Variants in CAND2 observed in about 807,000 individuals in gnomAD.
The protein encoded by CAND2 is cullin associated and neddylation dissociated 2 (putative).
CAND2 carries 62 observed loss-of-function variants against 98.9 expected under a neutral mutation model. The ratio of observed to expected loss-of-function variants is 0.63; its 90% CI spans 0.51 to 0.77. CAND2 has a LOEUF of 0.77. CAND2 is among the 30% of genes least tolerant of loss of function. CAND2 has a pLI of 0.00. For synonymous variants in CAND2, 770 were observed against 731.9 expected (o/e 1.05, Z -0.84); for missense variants, 1,501 against 1,655.2 (o/e 0.91, Z 1.62).
In CAND2 at chr3:12,808,170, A is replaced by T. The variant is rs749664573; in HGVS notation, c.368-40A>T. 1.9e-6 allele frequency: 3 copies of T among 1,548,024 alleles called. No homozygotes were observed. The South Asian group carries it at 3.6e-5, about 18-fold the overall frequency. On this transcript the variant is annotated intron_variant, in intron 3 of 14. Coordinates refer to ENST00000456430, the MANE Select transcript of CAND2 (RefSeq NM_001162499.2). ...TAGTGGTGGAGGCTGCCTTTCCCCC[A>T]GGCCAGGGCCTCACTGTGCCCACCT...
Position 12,834,111 on chromosome 3 carries a change from C to T in CAND2, c.*129C>T. 1 of 727,196 alleles carries T rather than the reference C, an allele frequency of 1.4e-6. No homozygotes were observed. The highest frequency in any genetic ancestry group is 2.3e-6 in the Non-Finnish European group (1 of 439,276). 45.0% of individuals were successfully genotyped at this position (727,196 alleles called of 1,614,324 possible). A position where few individuals can be genotyped will look rare whatever the true frequency, so the allele number is the denominator to read the frequency against. Reference sequence around the variant, plus strand: ...CATCTCACTGGGGGCCCTGTCGCTCCTGGTCAGGGCTTACAGTGCCTTCTC... The same window carrying T: ...CATCTCACTGGGGGCCCTGTCGCTCTTGGTCAGGGCTTACAGTGCCTTCTC... On this transcript the variant is annotated 3_prime_UTR_variant, in exon 15 of 15. Coordinates refer to ENST00000456430, the MANE Select transcript of CAND2 (RefSeq NM_001162499.2).
At chr3:12,809,861 TTC>T in intron 4 of CAND2, 196 bp from the exon 5 acceptor site, 1 of 613,250 alleles carries the variant, frequency 1.6e-6, no homozygotes, top group Non-Finnish European at 2.6e-6. Context: ...AGAAGTCCCT[TTC>T]TCTCTCCGCT....
intron 11 of CAND2, 38 bp from the exon 12 acceptor site, chr3:12,825,432 G>C: frequency 6.5e-7 from 1 of 1,531,872 alleles, no homozygotes. Flanking sequence ...TTGTGCTTTG[G>C]CTGTGCATCC....
At chr3:12,797,859 C>A (rs60325501) in intron 1 of CAND2, among the ~76,000 whole-genome samples, 2 of 152,060 alleles carry the variant, frequency 1.3e-5, no homozygotes, top group African/African-American at 4.8e-5. Context: ...GATTCCAGCC[C>A]CCTGACAGGT....
In CAND2 at chr3:12,813,240, C is replaced by T. The variant is rs1252505922; in HGVS notation, c.864-6C>T. On this transcript the variant is annotated splice_polypyrimidine_tract_variant and splice_region_variant and intron_variant, in intron 6 of 14. Coordinates refer to ENST00000456430, the MANE Select transcript of CAND2 (RefSeq NM_001162499.2). ...CCAGCAAAGCATTCCTCATCCTGCC[C>T]CACAGGTGCCCCAAGGAAATGGGTC... 2.5e-6 allele frequency: 4 copies of T among 1,612,678 alleles called. No individual in the cohort carries two copies. Among genetic ancestry groups the T allele is most frequent in the Non-Finnish European group, 1.7e-6 (2 of 1,179,574 alleles).
At chr3:12,822,472 T>A (rs2061964208) in intron 11 of CAND2, among the ~76,000 whole-genome samples, 1 of 151,912 alleles carries the variant, frequency 6.6e-6, no homozygotes, top group South Asian at 2.1e-4. Flanking sequence ...ACTTTTTAAA[T>A]TTTTTTTATA....
intron 12 of CAND2, among the ~76,000 whole-genome samples, chr3:12,827,104 T>G (rs1294117054): frequency 1.3e-5 from 2 of 152,238 alleles, no homozygotes; most frequent in Non-Finnish European, 2.9e-5. Flanking sequence ...GTGCTGGGAT[T>G]ATAGGCGTGA....
chr3:12,807,235 G>A, intron 2 of CAND2, 71 bp from the exon 3 acceptor site: 1 of 1,413,918 alleles, frequency 7.1e-7, no homozygotes, highest in Non-Finnish European at 9.6e-7. Context: ...GAGCATGAGG[G>A]GACATAAAGG....
Position 12,810,160 on chromosome 3 carries a change from C to T in CAND2, c.593C>T (p.Ala198Val), listed in dbSNP as rs2061839546. 3 of 1,527,860 alleles carry T rather than the reference C, an allele frequency of 2.0e-6. No homozygotes were observed. Among genetic ancestry groups the T allele is most frequent in the Non-Finnish European group, 1.7e-6 (2 of 1,143,352 alleles). The allele number at this position is 1,527,860 out of a possible 1,614,324, so 94.6% of individuals were successfully genotyped here. A position where few individuals can be genotyped will look rare whatever the true frequency, so the allele number is the denominator to read the frequency against. The part of the protein sequence containing the change: ...RLAVRKRAVG[A>V]LGHLAAACST... ...GCGGTGCGCAAGCGGGCGGTCGGAG[C>T]GCTTGGCCACCTGGCGGCCGCCTGC... Residue 198 changes from alanine to valine, a missense_variant, in exon 5 of 15, where the codon GCG becomes GTG. By Grantham distance (64) the Ala-to-Val change is moderately conservative. Coordinates refer to ENST00000456430, the MANE Select transcript of CAND2 (RefSeq NM_001162499.2).
intron 13 of CAND2, among the ~76,000 whole-genome samples, chr3:12,830,981 G>T (rs748767126): frequency 1.1e-4 from 16 of 152,168 alleles, no homozygotes; most frequent in Non-Finnish European, 2.4e-4. Context: ...CCTACAGGCT[G>T]AATCTAGGCC....
chr3:12,815,023 T>G lies in CAND2; in HGVS notation c.1007-118T>G. The G allele has an allele frequency of 1.0e-6, 1 of 988,252 alleles. No homozygotes were observed. Among genetic ancestry groups the G allele is most frequent in the South Asian group, 1.6e-5 (1 of 61,778 alleles). The allele number at this position is 988,252 out of a possible 1,614,324, so 61.2% of individuals were successfully genotyped here. A position where few individuals can be genotyped will look rare whatever the true frequency, so the allele number is the denominator to read the frequency against. ...TTCCCCATAGGGTATCTATAAATGC[T>G]GATCATCAAAAAGTGAAGCACAGTG... On this transcript the variant is annotated intron_variant, in intron 7 of 14. Transcript: ENST00000456430. The surrounding 1 kb of genome is among the most constrained non-coding windows in gnomAD (Gnocchi z 5.7).
intron 1 of CAND2, among the ~76,000 whole-genome samples, chr3:12,797,404 G>A (rs2061734609): frequency 6.6e-6 from 1 of 151,894 alleles, no homozygotes; most frequent in Non-Finnish European, 1.5e-5. Context: ...CCTAAAGGAG[G>A]GGGCTGGGCT....
chr3:12,803,410 A>G (rs2061781162), intron 1 of CAND2, 78 bp from the exon 2 acceptor site: 2 of 1,392,016 alleles, frequency 1.4e-6, no homozygotes, highest in Non-Finnish European at 1.9e-6. Flanking sequence ...GTCTACTTCT[A>G]GGGGAACCCT....
chr3:12,811,298 T>C (rs995999349), intron 5 of CAND2, among the ~76,000 whole-genome samples: 1 of 152,040 alleles, frequency 6.6e-6, no homozygotes, highest in African/African-American at 2.4e-5. Flanking sequence ...CCAGACAGAA[T>C]GGAGTCTAGG....
rs762324023 is a variant in CAND2, at chr3:12,825,554, A to G, written c.3125A>G (p.Lys1042Arg). Residue 1042 changes from lysine (K) to arginine (R), a missense_variant, in exon 12 of 15, where the codon AAG (lysine) becomes AGG (arginine). Lys to Arg is a conservative substitution (Grantham distance 26). Around this residue, in one of 3 missense-constraint regions of CAND2, gnomAD observed 1,427 missense variants for 1,545.3 expected, o/e 0.92. Coordinates refer to ENST00000456430, the MANE Select transcript of CAND2 (RefSeq NM_001162499.2). ...LAFFNSAVHNKPSLVRDLLDD... is the reference protein window; with the variant it reads ...LAFFNSAVHNRPSLVRDLLDD... Reference sequence around the variant, plus strand: ...TTCTTCAACTCAGCTGTGCACAACAAGCCCTCGCTAGTCCGGGACCTGCTG... The same window carrying G: ...TTCTTCAACTCAGCTGTGCACAACAGGCCCTCGCTAGTCCGGGACCTGCTG... The G allele has an allele frequency of 5.0e-6, 8 of 1,610,446 alleles. No individual in the cohort carries two copies. In the African/African-American group the frequency reaches 8.0e-5, roughly 16 times the overall value.
Position 12,817,498 on chromosome 3 carries a change from C to T in CAND2, c.2566C>T (p.Pro856Ser), listed in dbSNP as rs748775915. Residue 856 changes from proline to serine, a missense_variant, in exon 10 of 15, where the codon CCA becomes TCA. Around this residue, in one of 3 missense-constraint regions of CAND2, gnomAD observed 1,427 missense variants for 1,545.3 expected, o/e 0.92. Transcript: ENST00000456430. The part of the protein sequence containing the change: ...SLAEVGQVAG[P>S]GHQRELKAVL... Reference sequence around the variant, plus strand: ...GGCTGAGGTGGGTCAGGTGGCTGGGCCAGGCCACCAGCGGGAGCTGAAGGC... The same window carrying T: ...GGCTGAGGTGGGTCAGGTGGCTGGGTCAGGCCACCAGCGGGAGCTGAAGGC... 18 of 1,613,416 alleles carry T rather than the reference C, an allele frequency of 1.1e-5. No individual in the cohort carries two copies. Among genetic ancestry groups the T allele is most frequent in the Admixed American group, 8.3e-5 (5 of 59,994 alleles).
At chr3:12,807,542 AC>A in intron 3 of CAND2, 82 bp downstream of exon 3, 6 of 1,394,402 alleles carry the variant, frequency 4.3e-6, no homozygotes, top group Non-Finnish European at 5.8e-6. Context: ...CAAAAAAAAA[AC>A]ACTGAGGCTC....
chr3:12,801,132 G>T (rs1027402274), intron 1 of CAND2, among the ~76,000 whole-genome samples: 5 of 151,426 alleles, frequency 3.3e-5, no homozygotes, highest in South Asian at 2.1e-4. Flanking sequence ...TTGCCTCCCG[G>T]GTTCAAGTGA....
chr3:12,827,495 C>T lies in CAND2; in HGVS notation c.3266C>T (p.Ala1089Val), dbSNP rs200074296. ...TVDDGLDVRK[A>V]AFECMYSLLE... is the part of the protein sequence containing the mutation. ...GACGATGGGCTGGACGTGCGGAAGG[C>T]GGCCTTTGAATGCATGTATTCACTG... Residue 1089 changes from alanine to valine, a missense_variant, in exon 13 of 15, where the codon GCG (alanine) becomes GTG (valine). Ala to Val is a moderately conservative substitution (Grantham distance 64, BLOSUM62 0). Around this residue, in one of 3 missense-constraint regions of CAND2, gnomAD observed 1,427 missense variants for 1,545.3 expected, o/e 0.92. Transcript: ENST00000456430. 1.6e-5 allele frequency: 26 copies of T among 1,614,032 alleles called. No individual in the cohort carries two copies. In the Admixed American group the frequency reaches 1.7e-4, roughly 10 times the overall value.
Sources: gnomAD v4.1 joint callset for allele counts (sites outside exome capture counted in the v4.1 genomes callset) on GRCh38, gnomAD v4.1.1 for gene constraint, gnomAD v4.1.1 regional missense constraint, Gnocchi (gnomAD v3.1) non-coding constraint, MANE v1.5 for transcripts, NCBI Gene and HGNC (gene_info 2026-07-23, HGNC 2026-07-21) for gene names.